The following SLC25A40 variants were observed in gnomAD, a reference collection of about 807,000 sequenced individuals.
SLC25A40 encodes the protein mitochondrial glutathione transporter SLC25A40.
In SLC25A40, 41 loss-of-function variants were observed where a neutral mutation model predicts 46.5. The ratio of observed to expected loss-of-function variants is 0.88; its 90% CI spans 0.69 to 1.14. SLC25A40 has a LOEUF of 1.14. Ranked by LOEUF, SLC25A40 falls within the 50% of genes most tolerant of loss-of-function variation. SLC25A40 has a pLI of 0.00. For missense variants in SLC25A40, 386 were observed against 393.6 expected, an observed-to-expected ratio of 0.98 and a Z score of 0.16; for synonymous variants, 126 against 127.5, an observed-to-expected ratio of 0.99 and a Z score of 0.08.
intron 2 of SLC25A40, among the ~76,000 whole-genome samples, chr7:87,859,102 G>A (rs921944240): frequency 1.3e-5 from 2 of 152,102 alleles, no homozygotes; most frequent in African/African-American, 4.8e-5. Context: ...AACATAAAAA[G>A]TTTTAAAAAG....
chr7:87,870,736 C>T (rs536077509), intron 1 of SLC25A40, among the ~76,000 whole-genome samples: 48 of 152,222 alleles, frequency 3.2e-4, no homozygotes, highest in African/African-American at 8.7e-4. Flanking sequence ...TGGCTGGGGA[C>T]GGCCGGACCT....
rs373485583 is a variant in SLC25A40 at position 87,836,376 on chromosome 7, G to C, written c.905-15C>G. The C allele has an allele frequency of 2.1e-6, 3 of 1,421,384 alleles. No homozygotes were observed. Among genetic ancestry groups the C allele is most frequent in the African/African-American group, 3.0e-5 (2 of 66,512 alleles). 88.0% of individuals were successfully genotyped at this position (1,421,384 alleles called of 1,614,324 possible). On this transcript the variant is annotated splice_polypyrimidine_tract_variant and intron_variant, in intron 11 of 11. Coordinates refer to ENST00000341119, the MANE Select transcript of SLC25A40 (RefSeq NM_018843.4). ...AGGAATTAGGCCTGAGAAAAGAATA[G>C]GAATAATCAAAACAAATATTTTTTT...
At position 87,854,321 on chromosome 7, in the gene SLC25A40, A is replaced by T; in HGVS notation, c.158-11T>A. ...ATACAAAACATTTTCCTAACAAAGA[A>T]GATTCCAACAACCAACAATTACCTC... On this transcript the variant is annotated splice_polypyrimidine_tract_variant and intron_variant, in intron 4 of 11. Transcript: ENST00000341119. The T allele has an allele frequency of 6.5e-7, 1 of 1,526,740 alleles. No homozygotes were observed. Among genetic ancestry groups the T allele is most frequent in the Non-Finnish European group, 9.0e-7 (1 of 1,110,456 alleles). 94.6% of individuals were successfully genotyped at this position (1,526,740 alleles called of 1,614,324 possible). A position where few individuals can be genotyped will look rare whatever the true frequency, so the allele number is the denominator to read the frequency against.
chr7:87,848,888 G>A (rs956170540), intron 6 of SLC25A40, among the ~76,000 whole-genome samples: 30 of 152,216 alleles, frequency 2.0e-4, no homozygotes, highest in African/African-American at 6.3e-4. Context: ...GTGGGGTATC[G>A]GATCTGCCAC....
intron 1 of SLC25A40, among the ~76,000 whole-genome samples, chr7:87,872,722 G>C (rs1006309984): frequency 2.6e-5 from 4 of 152,222 alleles, no homozygotes; most frequent in Non-Finnish European, 5.9e-5. Flanking sequence ...AGCACTTTGG[G>C]AGGTCGAGGC....
intron 1 of SLC25A40, among the ~76,000 whole-genome samples, chr7:87,865,056 A>G (rs774694847): frequency 1.3e-5 from 2 of 150,558 alleles, no homozygotes; most frequent in African/African-American, 4.9e-5. Context: ...AGCTAATTGC[A>G]ACCTCAAACT....
At chr7:87,873,934 T>C (rs1838933206) in intron 1 of SLC25A40, among the ~76,000 whole-genome samples, 1 of 152,222 alleles carries the variant, frequency 6.6e-6, no homozygotes, top group Non-Finnish European at 1.5e-5. Flanking sequence ...TCTTCTTAAA[T>C]GTCTACCCTT....
chr7:87,866,600 C>A (rs183524439), intron 1 of SLC25A40, among the ~76,000 whole-genome samples: 7 of 152,294 alleles, frequency 4.6e-5, no homozygotes, highest in Admixed American at 1.3e-4. Flanking sequence ...TGAGGAGAAA[C>A]GTCTCCTTAT....
intron 5 of SLC25A40, among the ~76,000 whole-genome samples, chr7:87,850,923 G>A (rs1454568238): frequency 6.6e-6 from 1 of 152,206 alleles, no homozygotes; most frequent in African/African-American, 2.4e-5. Context: ...TGGTGAAAAT[G>A]TGAAGAAATT....
At chr7:87,836,968 TA>T in intron 10 of SLC25A40, 158 bp from the exon 11 acceptor site, 2 of 364,578 alleles carry the variant, frequency 5.5e-6, no homozygotes, top group Middle Eastern at 7.3e-4. Context: ...TTATTTTTAA[TA>T]GTTAGATTCA....
At chr7:87,858,871 C>A in intron 2 of SLC25A40, 120 bp from the exon 3 acceptor site, 1 of 624,514 alleles carries the variant, frequency 1.6e-6, no homozygotes, top group South Asian at 1.9e-5. Context: ...GAGAATTAAC[C>A]AAACAGATAC....
intron 3 of SLC25A40, 89 bp downstream of exon 3, chr7:87,858,542 A>G: frequency 1.3e-6 from 1 of 752,470 alleles, no homozygotes; most frequent in African/African-American, 1.7e-5. Flanking sequence ...AAATAGAAAG[A>G]AACTACGTTG....
intron 1 of SLC25A40, among the ~76,000 whole-genome samples, chr7:87,863,616 G>A (rs143946342): frequency 0.013 from 1,955 of 150,166 alleles, 24 homozygotes; most frequent in Non-Finnish European, 0.019. Context: ...ACATGTTTTG[G>A]GGGTACATGT....
At chr7:87,836,442 T>C in intron 11 of SLC25A40, 81 bp from the exon 12 acceptor site, 1 of 899,250 alleles carries the variant, frequency 1.1e-6, no homozygotes, top group South Asian at 2.5e-5. Flanking sequence ...GGCTTTATTC[T>C]GATAATTATC....
Position 87,836,243 on chromosome 7 carries a change from G to C in SLC25A40, c.*6C>G. ...ATAGTTGTTGTTTCAAGTTGAAACA[G>C]CATCACTAGTATTGCTGCCTTCGAA... On this transcript the variant is annotated 3_prime_UTR_variant, in exon 12 of 12. Coordinates refer to ENST00000341119, the MANE Select transcript of SLC25A40 (RefSeq NM_018843.4). The C allele has an allele frequency of 6.5e-7, 1 of 1,548,066 alleles. No homozygotes were observed. The highest frequency in any genetic ancestry group is 8.8e-7 in the Non-Finnish European group (1 of 1,136,192).
chr7:87,868,395 CT>C (rs1838840650), intron 1 of SLC25A40, among the ~76,000 whole-genome samples: 1 of 152,126 alleles, frequency 6.6e-6, no homozygotes, highest in Non-Finnish European at 1.5e-5. Context: ...ACCCTGCCAC[CT>C]TGATATCCTT....
chr7:87,869,989 C>T (rs1346687527), intron 1 of SLC25A40, among the ~76,000 whole-genome samples: 1 of 151,918 alleles, frequency 6.6e-6, no homozygotes, highest in East Asian at 1.9e-4. Flanking sequence ...CATTTTATTC[C>T]TTTGAATATA....
At chr7:87,850,637 G>A (rs1000896219) in intron 5 of SLC25A40, among the ~76,000 whole-genome samples, 3 of 151,882 alleles carry the variant, frequency 2.0e-5, no homozygotes, top group East Asian at 3.9e-4. Flanking sequence ...GCATGGTGAC[G>A]CACTCCTGTG....
chr7:87,874,837 T>C (rs1482033235), intron 1 of SLC25A40, among the ~76,000 whole-genome samples: 1 of 152,216 alleles, frequency 6.6e-6, no homozygotes, highest in Non-Finnish European at 1.5e-5. Flanking sequence ...TTCCCAATTC[T>C]GTGGCATTTT....
Sources: allele counts gnomAD v4.1 joint callset (sites outside exome capture counted in the v4.1 genomes callset), GRCh38; gene constraint gnomAD v4.1.1; transcripts MANE v1.5; gene names NCBI Gene and HGNC (gene_info 2026-07-23, HGNC 2026-07-21).